The following PPP1R26 variants were observed in gnomAD, a reference collection of about 807,000 sequenced individuals.
PPP1R26 encodes the protein 1A6/DRIM (down-regulated in metastasis) interacting protein.
A neutral mutation model predicts 67.6 loss-of-function variants in PPP1R26; 22 were observed. That is an observed-to-expected ratio of 0.33 (90% CI 0.23 to 0.46). The LOEUF (loss-of-function observed/expected upper bound fraction) is 0.46, where lower values mean the gene tolerates loss of function less well. Among genes scored for constraint, PPP1R26 ranks in the 20% least tolerant of loss-of-function variants. The probability of loss-of-function intolerance (pLI) is 1.00; values close to 1 mark genes in which losing one functional copy is unlikely to be tolerated. For missense variants in PPP1R26, 1,602 were observed against 1,651.4 expected (o/e 0.97, Z 0.52); for synonymous variants, 729 against 717.2 (o/e 1.02, Z -0.26).
chr9:135,487,102 C>A lies in PPP1R26; in HGVS notation c.2592C>A (p.Thr864=). Residue 864 remains threonine, a synonymous_variant, in exon 4 of 4, where the codon ACC becomes ACA. Transcript: ENST00000356818. ...CAGAAGTTCAGGCAGAGGGCCCCAC[C>A]GCTCTTGGGACAGGGGGCCCAGCCA... ...SSSEVQAEGP[T]ALGTGGPARP... 1.2e-6 allele frequency: 2 copies of A among 1,611,600 alleles called. No homozygotes were observed. The highest frequency in any genetic ancestry group is 1.7e-6 in the Non-Finnish European group (2 of 1,179,992).
At position 135,485,934 on chromosome 9, in the gene PPP1R26, C is replaced by T. The variant is rs372716374; in HGVS notation, c.1424C>T (p.Ala475Val). Residue 475 changes from alanine (A) to valine (V), a missense_variant, in exon 4 of 4, where the codon GCG becomes GTG. By Grantham distance (64) the Ala-to-Val change is moderately conservative. This residue lies in a region of PPP1R26 where 680 missense variants were observed against 726.1 expected (regional missense o/e 0.94). Coordinates refer to ENST00000356818, the MANE Select transcript of PPP1R26 (RefSeq NM_014811.5). The surrounding 1 kb of genome is among the most constrained non-coding windows in gnomAD (Gnocchi z 7.2). ...TTTGTGGAACGGTCCTCGTGCCGGG[C>T]GGACACATCTGCTGAGCTGATGTGT... ...SEFVERSSCR[A>V]DTSAELMCAE... The T allele has an allele frequency of 1.3e-5, 21 of 1,613,356 alleles. No homozygotes were observed. Among genetic ancestry groups the T allele is most frequent in the South Asian group, 7.7e-5 (7 of 91,084 alleles).
intron 1 of PPP1R26, 46 bp downstream of exon 1, chr9:135,480,068 G>A (rs1022473283): frequency 2.0e-5 from 3 of 147,160 alleles, no homozygotes; most frequent in African/African-American, 7.4e-5. Flanking sequence ...GGGCTGGGAA[G>A]CTGGGGGGTC....
chr9:135,486,891 T>C lies in PPP1R26; in HGVS notation c.2381T>C (p.Phe794Ser), dbSNP rs1830756819. The C allele has an allele frequency of 1.2e-6, 2 of 1,612,672 alleles. No individual in the cohort carries two copies. The highest frequency in any genetic ancestry group is 3.3e-5 in the Admixed American group (2 of 60,020). Reference sequence around the variant, plus strand: ...GCGAGCCAGGACGCGGCCCTGGCCTTCCGGGTGAGGAGACCCGCCTCCGCC... The same window carrying C: ...GCGAGCCAGGACGCGGCCCTGGCCTCCCGGGTGAGGAGACCCGCCTCCGCC... ...GAASQDAALA[F>S]RVRRPASASA... The change falls in exon 4 of 4, where the codon TTC (phenylalanine) becomes TCC (serine). Residue 794 changes from phenylalanine (F) to serine (S), a missense_variant. Physicochemically the swap from Phe to Ser is radical, Grantham distance 155. Coordinates refer to ENST00000356818, the MANE Select transcript of PPP1R26 (RefSeq NM_014811.5). This position sits in a 1 kb window ranked among gnomAD's most constrained non-coding sequence, Gnocchi z 6.2.
In PPP1R26 at chr9:135,487,584, C is replaced by T. The variant is rs964103816; in HGVS notation, c.3074C>T (p.Pro1025Leu). The T allele has an allele frequency of 5.3e-6, 8 of 1,507,096 alleles. No homozygotes were observed. The highest frequency in any genetic ancestry group is 2.8e-5 in the African/African-American group (2 of 71,694). 93.4% of individuals were successfully genotyped at this position (1,507,096 alleles called of 1,614,324 possible). A position where few individuals can be genotyped will look rare whatever the true frequency, so the allele number is the denominator to read the frequency against. ...GCTGGAGCCCAGGCCGACCGCACAC[C>T]GCCCTGGAGCGACTTCGCCCACCAG... ...RDAGAQADRT[P>L]PWSDFAHQSR... is the part of the protein sequence containing the mutation. Residue 1025 changes from proline to leucine, a missense_variant, in exon 4 of 4, where the codon CCG becomes CTG. Transcript: ENST00000356818.
rs528586565 is a variant in PPP1R26 at position 135,486,055 on chromosome 9, G to A, written c.1545G>A (p.Pro515=). The A allele has an allele frequency of 2.6e-5, 42 of 1,613,132 alleles. No homozygotes were observed. The South Asian group carries it at 2.6e-4, about 10-fold the overall frequency. The part of the protein sequence containing the change: ...SLSASPLFYS[P]NVPSRSDGDS... ...CCGCAAGCCCACTCTTCTACTCCCCGAACGTGCCTTCCCGCTCTGACGGCG... is the reference window on the plus strand; with the variant it reads ...CCGCAAGCCCACTCTTCTACTCCCCAAACGTGCCTTCCCGCTCTGACGGCG... Residue 515 remains proline (P), a synonymous_variant, in exon 4 of 4, where the codon CCG becomes CCA. Transcript: ENST00000356818. The surrounding 1 kb of genome is among the most constrained non-coding windows in gnomAD (Gnocchi z 6.2).
chr9:135,479,549 C>A (rs963646749), upstream of PPP1R26: 1 of 146,452 alleles, frequency 6.8e-6, no homozygotes, highest in Admixed American at 6.8e-5. The surrounding 1 kb of genome is among the most constrained non-coding windows in gnomAD (Gnocchi z 5.9). Flanking sequence ...GCGTCCGAAC[C>A]GGGCGGGGCG....
At position 135,487,182 on chromosome 9, in the gene PPP1R26, G is replaced by A. The variant is rs368489615; in HGVS notation, c.2672G>A (p.Arg891His). Residue 891 changes from arginine (R) to histidine (H), a missense_variant, in exon 4 of 4, where the codon CGC becomes CAC. This residue lies in a region of PPP1R26 where 740 missense variants were observed against 696.3 expected (regional missense o/e 1.06). Transcript: ENST00000356818. ...GCCCCACCGCCTGGCGTGTGCACACGCAGCCAGAGGGCCAGGGGGGTCCCA... is the reference window on the plus strand; with the variant it reads ...GCCCCACCGCCTGGCGTGTGCACACACAGCCAGAGGGCCAGGGGGGTCCCA... ...EPAPPPGVCT[R>H]SQRARGVPHL... 46 of 1,607,394 alleles carry A rather than the reference G, an allele frequency of 2.9e-5. No homozygotes were observed. Among genetic ancestry groups the A allele is most frequent in the Middle Eastern group, 1.7e-4 (1 of 5,928 alleles).
In PPP1R26 at chr9:135,485,482, C is replaced by T; in HGVS notation, c.972C>T (p.Pro324=). The T allele has an allele frequency of 1.2e-6, 2 of 1,613,074 alleles. No homozygotes were observed. The highest frequency in any genetic ancestry group is 1.7e-6 in the Non-Finnish European group (2 of 1,180,000). The stretch of plus-strand genomic sequence containing the variant: ...AGGGCAGCACGAAGCCGGCAACCCC[C>T]TGCCGCCCTTCAGAAGCAGCACAGA... ...ENEGSTKPAT[P]CRPSEAAQNK... Residue 324 remains proline (P), a synonymous_variant, in exon 4 of 4, where the codon CCC becomes CCT. Transcript: ENST00000356818. The surrounding 1 kb of genome is among the most constrained non-coding windows in gnomAD (Gnocchi z 7.2).
intron 1 of PPP1R26, chr9:135,480,426 C>T (rs1359855038): frequency 6.6e-6 from 1 of 152,260 alleles, no homozygotes; most frequent in African/African-American, 2.4e-5. Flanking sequence ...GGGCCCCAAG[C>T]TCGCTAGTCC....
In PPP1R26 at chr9:135,485,170, C is replaced by T; in HGVS notation, c.660C>T (p.Asp220=). ...CCCCGGTCAGTGTGAGCAGCGATGA[C>T]TCCTTCGAGCAGAGCATCAGGGCGG... ...SASPVSVSSD[D]SFEQSIRAEI... Residue 220 remains aspartate (D), a synonymous_variant, in exon 4 of 4, where the codon GAC becomes GAT. Coordinates refer to ENST00000356818, the MANE Select transcript of PPP1R26 (RefSeq NM_014811.5). The surrounding 1 kb of genome is among the most constrained non-coding windows in gnomAD (Gnocchi z 7.2). 5 of 1,612,890 alleles carry T rather than the reference C, an allele frequency of 3.1e-6. No individual in the cohort carries two copies. Among genetic ancestry groups the T allele is most frequent in the Non-Finnish European group, 4.2e-6 (5 of 1,179,862 alleles).
At chr9:135,480,785 A>C (rs1165540197) in intron 1 of PPP1R26, 1 of 152,402 alleles carries the variant, frequency 6.6e-6, no homozygotes. Flanking sequence ...ATTCTAGCCC[A>C]CGCCCACTTC....
intron 1 of PPP1R26, among the ~76,000 whole-genome samples, chr9:135,481,195 G>A (rs1338575432): frequency 6.6e-6 from 1 of 151,156 alleles, no homozygotes; most frequent in Non-Finnish European, 1.5e-5. Context: ...TCTGGCTTGG[G>A]CCCACACCTA....
chr9:135,483,326 T>G (rs1331038501), intron 2 of PPP1R26: 2 of 152,264 alleles, frequency 1.3e-5, no homozygotes, highest in Admixed American at 1.3e-4. Flanking sequence ...TGGTGGCATG[T>G]AAATACCCAA....
intron 1 of PPP1R26, among the ~76,000 whole-genome samples, chr9:135,482,197 G>A (rs1830544909): frequency 6.6e-6 from 1 of 152,210 alleles, no homozygotes; most frequent in South Asian, 2.1e-4. Context: ...TCAGCCCAAG[G>A]CTAATGCAAA....
In PPP1R26 at chr9:135,485,838, C is replaced by A; in HGVS notation, c.1328C>A (p.Thr443Asn). Reference protein sequence around the residue: ...TMDPGPGGLDTDHAPKLLKET... With the variant: ...TMDPGPGGLDNDHAPKLLKET... ...GACCCTGGTCCAGGGGGCCTGGACA[C>A]TGACCATGCCCCCAAGCTCCTGAAG... The change falls in exon 4 of 4, where the codon ACT becomes AAT. Residue 443 changes from threonine to asparagine, a missense_variant. Thr to Asn is a moderately conservative substitution (Grantham distance 65). Transcript: ENST00000356818. This position sits in a 1 kb window ranked among gnomAD's most constrained non-coding sequence, Gnocchi z 7.2. The A allele has an allele frequency of 6.2e-7, 1 of 1,613,318 alleles. No homozygotes were observed. The highest frequency in any genetic ancestry group is 8.5e-7 in the Non-Finnish European group (1 of 1,180,010).
chr9:135,485,343 A>G lies in PPP1R26; in HGVS notation c.833A>G (p.Gln278Arg). 6.2e-7 allele frequency: 1 copy of G among 1,612,944 alleles called. No homozygotes were observed. The highest frequency in any genetic ancestry group is 8.5e-7 in the Non-Finnish European group (1 of 1,179,994). Residue 278 changes from glutamine (Q) to arginine (R), a missense_variant, in exon 4 of 4, where the codon CAG becomes CGG. Gln to Arg is a conservative substitution (Grantham distance 43). Coordinates refer to ENST00000356818, the MANE Select transcript of PPP1R26 (RefSeq NM_014811.5). The surrounding 1 kb of genome is among the most constrained non-coding windows in gnomAD (Gnocchi z 7.2). ...CCGCCTACAAAGGTGGTGCATCGGC[A>G]GGGCCTGCTGGGCGTCCAGAAGGAG... The part of the protein sequence containing the change: ...QEPPTKVVHR[Q>R]GLLGVQKEFA...
chr9:135,486,507 G>C lies in PPP1R26; in HGVS notation c.1997G>C (p.Gly666Ala), dbSNP rs1309656564. The change falls in exon 4 of 4, where the codon GGT (glycine) becomes GCT (alanine). Residue 666 changes from glycine to alanine, a missense_variant. Gly to Ala is a moderately conservative substitution (Grantham distance 60, BLOSUM62 0). This residue lies in a region of PPP1R26 where 680 missense variants were observed against 726.1 expected (regional missense o/e 0.94). Coordinates refer to ENST00000356818, the MANE Select transcript of PPP1R26 (RefSeq NM_014811.5). The surrounding 1 kb of genome is among the most constrained non-coding windows in gnomAD (Gnocchi z 6.2). The stretch of plus-strand genomic sequence containing the variant: ...GACACTCGCATGTCACAGGGCCAGG[G>C]TAAGACAGACGAGGCAAGGCGCCTA... Reference protein sequence around the residue: ...PGDTRMSQGQGKTDEARRLDE... With the variant: ...PGDTRMSQGQAKTDEARRLDE... The C allele has an allele frequency of 3.7e-6, 6 of 1,612,938 alleles. No homozygotes were observed. In the African/African-American group the frequency reaches 8.0e-5, roughly 22 times the overall value.
At position 135,485,828 on chromosome 9, in the gene PPP1R26, G is replaced by A. The variant is rs141471461; in HGVS notation, c.1318G>A (p.Gly440Ser). ...CAAGACCATGGACCCTGGTCCAGGG[G>A]GCCTGGACACTGACCATGCCCCCAA... ...ATKTMDPGPG[G>S]LDTDHAPKLL... The change falls in exon 4 of 4, where the codon GGC becomes AGC. Residue 440 changes from glycine to serine, a missense_variant. This residue lies in a region of PPP1R26 where 680 missense variants were observed against 726.1 expected (regional missense o/e 0.94). Transcript: ENST00000356818. The surrounding 1 kb of genome is among the most constrained non-coding windows in gnomAD (Gnocchi z 7.2). 2 of 1,613,000 alleles carry A rather than the reference G, an allele frequency of 1.2e-6. No homozygotes were observed. Among genetic ancestry groups the A allele is most frequent in the Non-Finnish European group, 8.5e-7 (1 of 1,179,968 alleles).
chr9:135,482,066 G>A (rs558552654), intron 1 of PPP1R26, among the ~76,000 whole-genome samples: 2 of 152,262 alleles, frequency 1.3e-5, no homozygotes, highest in South Asian at 2.1e-4. Context: ...TCCCCTCCCC[G>A]ACCTTGTCAT....
Sources: gnomAD v4.1 joint callset for allele counts (sites outside exome capture counted in the v4.1 genomes callset) on GRCh38, gnomAD v4.1.1 for gene constraint, gnomAD v4.1.1 regional missense constraint, Gnocchi (gnomAD v3.1) non-coding constraint, MANE v1.5 for transcripts, NCBI Gene and HGNC (gene_info 2026-07-23, HGNC 2026-07-21) for gene names.